Variants in RSPH14 observed in about 807,000 individuals in gnomAD.
The protein encoded by RSPH14 is rhabdoid tumor deletion region gene 1.
In RSPH14, 20 loss-of-function variants were observed where a neutral mutation model predicts 26.7. The ratio of observed to expected loss-of-function variants is 0.75; its 90% confidence interval spans 0.53 to 1.09. The LOEUF (loss-of-function observed/expected upper bound fraction) is 1.09. Ranked by LOEUF, RSPH14 falls within the 50% of genes least tolerant of loss-of-function variation. The pLI is 0.00. For missense variants in RSPH14, 449 were observed against 457.2 expected, an observed-to-expected ratio of 0.98 and a Z score of 0.16; for synonymous variants, 177 against 189.3, an observed-to-expected ratio of 0.93 and a Z score of 0.53.
At chr22:23,068,357 G>GT (rs941529813) in intron 4 of RSPH14, among the ~76,000 whole-genome samples, 10 of 152,260 alleles carry the variant, frequency 6.6e-5, no homozygotes, top group African/African-American at 1.9e-4. Flanking sequence ...TCACATGACT[G>GT]TAAGGCCCAA....
intron 4 of RSPH14, among the ~76,000 whole-genome samples, chr22:23,102,162 C>A (rs1210951724): frequency 7.2e-5 from 11 of 152,238 alleles, no homozygotes; most frequent in African/African-American, 2.7e-4. Context: ...TCAGCCTTAA[C>A]TGGGGCTGCG....
At chr22:23,162,769 C>T in the RSPH14 span, 3 of 456,328 alleles carry the variant, frequency 6.6e-6, no homozygotes, top group Non-Finnish European at 1.3e-5. Flanking sequence ...CTGATCAGTA[C>T]TGCTCTCCTA....
chr22:23,061,228 C>T (rs1160115322), intron 6 of RSPH14, among the ~76,000 whole-genome samples: 1 of 152,114 alleles, frequency 6.6e-6, no homozygotes, highest in Admixed American at 6.5e-5. Flanking sequence ...AAGTCAAATG[C>T]TTTCAGGGGT....
At chr22:23,161,619 C>G in the RSPH14 span, 1 of 1,460,522 alleles carries the variant, frequency 6.8e-7, no homozygotes, top group Non-Finnish European at 9.4e-7. Flanking sequence ...CAGGAATTTC[C>G]GTGACTGTGG....
upstream of RSPH14, chr22:23,146,596 G>A: frequency 6.2e-7 from 1 of 1,613,068 alleles, no homozygotes; most frequent in Non-Finnish European, 8.5e-7. Context: ...CTCCTGGTTG[G>A]GTCCACAGGA....
chr22:23,060,892 C>T (rs1029952276), intron 6 of RSPH14, among the ~76,000 whole-genome samples: 22 of 152,300 alleles, frequency 1.4e-4, no homozygotes, highest in African/African-American at 5.1e-4. Context: ...TGTCTCGAGC[C>T]CCGTGGCCCT....
intron 4 of RSPH14, among the ~76,000 whole-genome samples, chr22:23,132,344 C>T (rs1342393602): frequency 6.6e-6 from 1 of 152,146 alleles, no homozygotes; most frequent in Non-Finnish European, 1.5e-5. Context: ...CTCATTGCAT[C>T]ATGCGACCAG....
chr22:23,172,288 C>T, the RSPH14 span, among the ~76,000 whole-genome samples: 59 of 151,884 alleles, frequency 3.9e-4, no homozygotes, highest in African/African-American at 1.4e-3. Context: ...AGTGATGGTG[C>T]GCGTATAGTC....
At chr22:23,060,887 C>A (rs553198267) in intron 6 of RSPH14, among the ~76,000 whole-genome samples, 1 of 152,148 alleles carries the variant, frequency 6.6e-6, no homozygotes, top group Non-Finnish European at 1.5e-5. Context: ...TCTTGTGTCT[C>A]GAGCCCCGTG....
At chr22:23,087,365 C>G (rs5751581) in intron 4 of RSPH14, among the ~76,000 whole-genome samples, 40,172 of 152,014 alleles carry the variant, frequency 0.26, 5,487 homozygotes, top group African/African-American at 0.34. Flanking sequence ...ACTCGAGGCT[C>G]AGGTGGGAGG....
In RSPH14 at chr22:23,140,440, C is replaced by T; in HGVS notation, c.-20G>A. 6.2e-7 allele frequency: 1 copy of T among 1,612,950 alleles called. No individual in the cohort carries two copies. Among genetic ancestry groups the T allele is most frequent in the Non-Finnish European group, 8.5e-7 (1 of 1,179,488 alleles). On this transcript the variant is annotated 5_prime_UTR_variant, in exon 2 of 7. Transcript: ENST00000216036. ...GGCCATCTTTCCCCAACTACAGAGGCCTTTCCAAATGAAGCTCTGCAGAAA... is the reference window on the plus strand; with the variant it reads ...GGCCATCTTTCCCCAACTACAGAGGTCTTTCCAAATGAAGCTCTGCAGAAA...
intron 4 of RSPH14, among the ~76,000 whole-genome samples, chr22:23,133,302 C>T (rs1038655533): frequency 7.2e-5 from 11 of 152,132 alleles, no homozygotes; most frequent in African/African-American, 2.4e-4. Flanking sequence ...ACATCCCACA[C>T]GTAAATCTCA....
chr22:23,076,366 G>A (rs532308683), intron 4 of RSPH14, among the ~76,000 whole-genome samples: 2 of 152,338 alleles, frequency 1.3e-5, no homozygotes, highest in East Asian at 3.9e-4. Context: ...AATATTCGCA[G>A]ACAGTCATGC....
At chr22:23,090,207 C>T (rs1175276215) in intron 4 of RSPH14, among the ~76,000 whole-genome samples, 1 of 152,108 alleles carries the variant, frequency 6.6e-6, no homozygotes, top group African/African-American at 2.4e-5. Flanking sequence ...CCAGTACCTG[C>T]CACTTTCTCC....
chr22:23,095,934 C>T (rs1331938640), intron 4 of RSPH14: 3 of 1,613,118 alleles, frequency 1.9e-6, no homozygotes, highest in Non-Finnish European at 2.5e-6. Context: ...GCCATCGACT[C>T]GCTGACCCGC....
At chr22:23,143,421 G>T (rs1464074170), upstream of RSPH14, among the ~76,000 whole-genome samples, 7 of 152,170 alleles carry the variant, frequency 4.6e-5, no homozygotes, top group East Asian at 5.8e-4. Context: ...CTCTAGGAGC[G>T]GTACCCTCAC....
the RSPH14 span, among the ~76,000 whole-genome samples, chr22:23,175,502 G>C: frequency 1.3e-5 from 2 of 150,436 alleles, no homozygotes; most frequent in Non-Finnish European, 3.0e-5. Context: ...TTATATTTTT[G>C]GTAGAGACAG....
At chr22:23,084,467 G>C (rs2068763050) in intron 4 of RSPH14, among the ~76,000 whole-genome samples, 1 of 152,116 alleles carries the variant, frequency 6.6e-6, no homozygotes, top group African/African-American at 2.4e-5. Context: ...ACTTAGGATG[G>C]GTTTATCAGG....
intron 4 of RSPH14, among the ~76,000 whole-genome samples, chr22:23,081,703 T>C (rs1177541777): frequency 2.0e-5 from 3 of 150,330 alleles, no homozygotes; most frequent in African/African-American, 7.4e-5. Flanking sequence ...ACACCTGTAA[T>C]CCCAGCTACT....
Sources: allele counts gnomAD v4.1 joint callset (sites outside exome capture counted in the v4.1 genomes callset), GRCh38; gene constraint gnomAD v4.1.1; transcripts MANE v1.5; gene names NCBI Gene and HGNC (gene_info 2026-07-23, HGNC 2026-07-21).